The following SVOPL variants were observed in gnomAD, a reference collection of about 807,000 sequenced individuals.
SVOPL encodes SVOP like.
SVOPL carries 60 observed loss-of-function variants against 61.0 expected under a neutral mutation model. That is an observed-to-expected ratio of 0.98 (90% CI 0.80 to 1.22). SVOPL has a LOEUF of 1.22. Among genes scored for constraint, SVOPL ranks in the 50% most tolerant of loss-of-function variants. The pLI is 0.00. For missense variants in SVOPL, 662 were observed against 643.9 expected, an observed-to-expected ratio of 1.03 and a Z score of -0.30; for synonymous variants, 279 against 250.0, an observed-to-expected ratio of 1.12 and a Z score of -1.09.
chr7:138,663,749 C>G (rs1422322045), intron 4 of SVOPL, among the ~76,000 whole-genome samples: 4 of 152,148 alleles, frequency 2.6e-5, no homozygotes, highest in Admixed American at 2.0e-4. Flanking sequence ...GTCTGTGCCT[C>G]TGGGCTCCTT....
At chr7:138,642,271 TAA>T (rs1800843856) in intron 9 of SVOPL, among the ~76,000 whole-genome samples, 1 of 46,970 alleles carries the variant, frequency 2.1e-5, no homozygotes. Flanking sequence ...TCAAAGAAAA[TAA>T]AACGGAAATT....
intron 14 of SVOPL, among the ~76,000 whole-genome samples, chr7:138,597,928 C>G (rs1299111968): frequency 6.6e-6 from 1 of 152,116 alleles, no homozygotes; most frequent in Non-Finnish European, 1.5e-5. Flanking sequence ...TTTGGGTCAC[C>G]TAACTGTGCT....
intron 6 of SVOPL, among the ~76,000 whole-genome samples, chr7:138,659,166 C>T (rs1801886407): frequency 1.3e-5 from 2 of 152,146 alleles, no homozygotes; most frequent in Non-Finnish European, 2.9e-5. Flanking sequence ...TTCTTTTCTA[C>T]TGATAACTCC....
Position 138,627,474 on chromosome 7 carries a change from C to T in SVOPL, c.1070-13G>A, listed in dbSNP as rs1339207167. The stretch of plus-strand genomic sequence containing the variant: ...TTTAAAGGATTCACTAGAAAGCAAA[C>T]AGTAAAGATAATTTCTGGAACCTTG... On this transcript the variant is annotated splice_polypyrimidine_tract_variant and intron_variant, in intron 11 of 15. Transcript: ENST00000674285. 1.3e-6 allele frequency: 2 copies of T among 1,594,922 alleles called. No individual in the cohort carries two copies. Among genetic ancestry groups the T allele is most frequent in the African/African-American group, 2.7e-5 (2 of 74,538 alleles).
intron 1 of SVOPL, among the ~76,000 whole-genome samples, chr7:138,690,495 A>G (rs1035781207): frequency 1.3e-5 from 2 of 152,260 alleles, no homozygotes; most frequent in African/African-American, 4.8e-5. Context: ...TACTTGCTGC[A>G]TGATGAATGA....
chr7:138,596,652 G>C (rs1258655782), intron 14 of SVOPL, 122 bp from the exon 15 acceptor site: 1 of 1,425,696 alleles, frequency 7.0e-7, no homozygotes, highest in Non-Finnish European at 9.2e-7. Flanking sequence ...CATTCTACAG[G>C]TTGTACCTTC....
intron 9 of SVOPL, among the ~76,000 whole-genome samples, chr7:138,635,540 G>T (rs886273898): frequency 3.9e-5 from 6 of 151,940 alleles, no homozygotes; most frequent in Admixed American, 2.6e-4. Flanking sequence ...ACCCAGCCAG[G>T]AGTTTTGTTT....
At chr7:138,667,394 C>G (rs1802293103) in intron 4 of SVOPL, among the ~76,000 whole-genome samples, 1 of 152,192 alleles carries the variant, frequency 6.6e-6, no homozygotes, top group African/African-American at 2.4e-5. Flanking sequence ...CAACTAACAT[C>G]TGTTAGATTT....
intron 9 of SVOPL, among the ~76,000 whole-genome samples, chr7:138,638,265 TC>T (rs1196332425): frequency 1.3e-5 from 1 of 78,104 alleles, no homozygotes; most frequent in Non-Finnish European, 2.2e-5. Flanking sequence ...AGATTGAGAC[TC>T]CACCTCAAAA....
intron 8 of SVOPL, among the ~76,000 whole-genome samples, chr7:138,646,660 A>G (rs1433616291): frequency 1.3e-5 from 2 of 152,150 alleles, no homozygotes; most frequent in Non-Finnish European, 2.9e-5. Context: ...CTGGGACCAC[A>G]GGCACGGACC....
chr7:138,655,727 T>C (rs1217420471), intron 7 of SVOPL, among the ~76,000 whole-genome samples: 1 of 150,340 alleles, frequency 6.7e-6, no homozygotes, highest in African/African-American at 2.4e-5. Flanking sequence ...ATTTGTGTAA[T>C]ATAGATATAT....
At position 138,607,663 on chromosome 7, in the gene SVOPL, G is replaced by A. The variant is rs534584128; in HGVS notation, c.1354-11133C>T. On this transcript the variant is annotated intron_variant, in intron 14 of 15. Transcript: ENST00000674285. The stretch of plus-strand genomic sequence containing the variant: ...CAGCTTGGAGGAGGTGAAGGAATGA[G>A]TGGAAGGCAGGAAATGAAGCAGGAA... 8.5e-5 allele frequency among the ~76,000 whole-genome samples: 13 copies of A among 152,322 alleles called. No homozygotes were observed. In the East Asian group the frequency reaches 2.5e-3, roughly 29 times the overall value.
At chr7:138,693,984 G>A (rs977405221) in intron 1 of SVOPL, among the ~76,000 whole-genome samples, 18 of 151,460 alleles carry the variant, frequency 1.2e-4, no homozygotes, top group Middle Eastern at 3.4e-3. Context: ...CACCCGCACC[G>A]TACCTTCACA....
chr7:138,646,157 A>G (rs1801099313), intron 8 of SVOPL: 2 of 204,718 alleles, frequency 9.8e-6, no homozygotes, highest in Admixed American at 5.4e-5. Flanking sequence ...TCAGGAAGCT[A>G]TCTCGGCTCC....
At chr7:138,662,817 G>GTCC in intron 5 of SVOPL, 1 of 1,290,896 alleles carries the variant, frequency 7.7e-7, no homozygotes, top group South Asian at 2.2e-5. Flanking sequence ...TCTGGGTAGA[G>GTCC]ATTTCTTAGA....
chr7:138,595,608 A>G (rs1168373758), intron 15 of SVOPL, among the ~76,000 whole-genome samples: 1 of 152,208 alleles, frequency 6.6e-6, no homozygotes, highest in African/African-American at 2.4e-5. Context: ...TTAGTGTTAC[A>G]GTCTGGTTTA....
At chr7:138,648,945 G>C in intron 8 of SVOPL, 67 bp downstream of exon 8, 1 of 1,601,834 alleles carries the variant, frequency 6.2e-7, no homozygotes, top group Non-Finnish European at 8.5e-7. Flanking sequence ...AAAGATATTT[G>C]TGGGGCATGA....
intron 14 of SVOPL, among the ~76,000 whole-genome samples, chr7:138,611,684 T>C (rs1799009399): frequency 6.7e-6 from 1 of 150,330 alleles, no homozygotes; most frequent in African/African-American, 2.4e-5. Context: ...ATTAGGGTTT[T>C]TTTGTGACCC....
chr7:138,597,641 C>CGTGGGTGTGTGT (rs1554449336), intron 14 of SVOPL, among the ~76,000 whole-genome samples: 1 of 147,518 alleles, frequency 6.8e-6, no homozygotes. Flanking sequence ...ATAACGTCTG[C>CGTGGGTGTGTGT]GTGTGTGTGT....
Sources: allele counts gnomAD v4.1 joint callset (sites outside exome capture counted in the v4.1 genomes callset), GRCh38; gene constraint gnomAD v4.1.1; transcripts MANE v1.5; gene names NCBI Gene and HGNC (gene_info 2026-07-23, HGNC 2026-07-21).